Variants in NKAIN2 observed in about 807,000 individuals in gnomAD.
NKAIN2 encodes sodium/potassium-transporting ATPase subunit beta-1-interacting protein 2.
In NKAIN2, 14 loss-of-function variants were observed where a neutral mutation model predicts 32.6. That is an observed-to-expected ratio of 0.43 (90% CI 0.28 to 0.67). NKAIN2 has a LOEUF of 0.67. NKAIN2 is among the 30% of genes least tolerant of loss of function. The probability of loss-of-function intolerance (pLI) is 0.17; values close to 1 mark genes in which losing one functional copy is unlikely to be tolerated. For missense variants in NKAIN2, 198 were observed against 258.3 expected, an observed-to-expected ratio of 0.77 and a Z score of 1.60; for synonymous variants, 80 against 87.2, an observed-to-expected ratio of 0.92 and a Z score of 0.46.
chr6:124,202,279 G>A (rs189550917), intron 1 of NKAIN2, among the ~76,000 whole-genome samples: 1 of 152,004 alleles, frequency 6.6e-6, no homozygotes, highest in East Asian at 1.9e-4. Context: ...TAACATATCA[G>A]CTCTGCTGTG....
rs1415927005 is a variant in NKAIN2 at position 124,625,147 on chromosome 6, A to G, written c.274-33039A>G. ...TCTTCCTGACACTAGAGTTTTCTTC[A>G]TTCCATTTAAGCACTTAATTACAAT... is the stretch of plus-strand genomic sequence containing the variant. On this transcript the variant is annotated intron_variant, in intron 3 of 6. Transcript: ENST00000368417. Among the ~76,000 whole-genome samples, 24 of 148,652 alleles carry G rather than the reference A, an allele frequency of 1.6e-4. No individual in the cohort carries two copies. The East Asian group carries it at 4.4e-3, about 27-fold the overall frequency.
chr6:124,410,986 A>C (rs1774144582), intron 3 of NKAIN2, among the ~76,000 whole-genome samples: 1 of 151,796 alleles, frequency 6.6e-6, no homozygotes, highest in Non-Finnish European at 1.5e-5. Flanking sequence ...CTGTTTTATC[A>C]GAGACTAGGA....
chr6:124,248,011 A>C (rs535269424), intron 1 of NKAIN2, among the ~76,000 whole-genome samples: 1 of 152,042 alleles, frequency 6.6e-6, no homozygotes, highest in Admixed American at 6.6e-5. Flanking sequence ...ATATCATACC[A>C]CTCTTTAAAA....
chr6:124,459,547 T>C (rs751780450), intron 3 of NKAIN2, among the ~76,000 whole-genome samples: 5 of 151,900 alleles, frequency 3.3e-5, no homozygotes, highest in Non-Finnish European at 7.4e-5. Flanking sequence ...TAAGTGATGA[T>C]ATTGTTATCT....
chr6:124,500,191 A>G (rs987908673), intron 3 of NKAIN2, among the ~76,000 whole-genome samples: 15 of 152,324 alleles, frequency 9.8e-5, no homozygotes, highest in African/African-American at 3.6e-4. Context: ...TCATGAAATG[A>G]GTTAGGAGCC....
In NKAIN2 at chr6:124,721,352, G is replaced by C. The variant is rs902573704; in HGVS notation, c.474+62966G>C. The stretch of plus-strand genomic sequence containing the variant: ...CCGGAAGGCGGAGCTTGCAGTGAGC[G>C]GAGATCGCGCCACAGCACTCCCGCC... On this transcript the variant is annotated intron_variant, in intron 4 of 6. Coordinates refer to ENST00000368417, the MANE Select transcript of NKAIN2 (RefSeq NM_001040214.3). Among the ~76,000 whole-genome samples, 23 of 150,416 alleles carry C rather than the reference G, an allele frequency of 1.5e-4. No homozygotes were observed. In the South Asian group the frequency reaches 3.4e-3, roughly 22 times the overall value.
chr6:124,606,985 G>A (rs761182736), intron 3 of NKAIN2, among the ~76,000 whole-genome samples: 3 of 152,170 alleles, frequency 2.0e-5, no homozygotes, highest in Non-Finnish European at 2.9e-5. Context: ...ATCAATGTGA[G>A]TAAAGATGAA....
chr6:124,428,323 T>C (rs1361247967), intron 3 of NKAIN2, among the ~76,000 whole-genome samples: 1 of 152,040 alleles, frequency 6.6e-6, no homozygotes, highest in Non-Finnish European at 1.5e-5. Context: ...CAACCCCAGA[T>C]TGCTGGAAAT....
intron 1 of NKAIN2, among the ~76,000 whole-genome samples, chr6:124,125,469 C>T (rs192979481): frequency 2.4e-4 from 37 of 152,172 alleles, no homozygotes; most frequent in Admixed American, 5.9e-4. Context: ...GTCAAAATGA[C>T]TAATGGGATG....
At chr6:124,769,627 C>A (rs1413520179) in intron 4 of NKAIN2, among the ~76,000 whole-genome samples, 1 of 152,252 alleles carries the variant, frequency 6.6e-6, no homozygotes. Context: ...AGCAATGCAC[C>A]TAAACGATAC....
intron 4 of NKAIN2, among the ~76,000 whole-genome samples, chr6:124,698,590 A>T (rs17710038): frequency 0.13 from 19,177 of 152,288 alleles, 1,626 homozygotes; most frequent in Non-Finnish European, 0.2. Context: ...CAACCGACTT[A>T]CAATCTTGCA....
intron 3 of NKAIN2, among the ~76,000 whole-genome samples, chr6:124,401,366 G>A (rs961704282): frequency 2.0e-5 from 3 of 151,898 alleles, no homozygotes; most frequent in South Asian, 2.1e-4. Context: ...ACTATGGCTC[G>A]CCATCCAAAT....
intron 4 of NKAIN2, among the ~76,000 whole-genome samples, chr6:124,774,607 T>C (rs892248918): frequency 6.6e-6 from 1 of 151,970 alleles, no homozygotes; most frequent in Non-Finnish European, 1.5e-5. Context: ...TGTAATTCGA[T>C]CACTTTGGGA....
chr6:123,892,012 A>G (rs1391776833), intron 1 of NKAIN2, among the ~76,000 whole-genome samples: 1 of 152,144 alleles, frequency 6.6e-6, no homozygotes, highest in Non-Finnish European at 1.5e-5. Context: ...TTTCAGGACA[A>G]ATTTAATCAG....
chr6:124,286,679 C>CGT (rs1327431503), intron 2 of NKAIN2, among the ~76,000 whole-genome samples: 1 of 131,882 alleles, frequency 7.6e-6, no homozygotes, highest in Admixed American at 7.1e-5. Flanking sequence ...TGTGTGCGCG[C>CGT]GCGTGTGTGT....
chr6:124,009,314 T>A (rs12660976), intron 1 of NKAIN2, among the ~76,000 whole-genome samples: 48,897 of 151,984 alleles, frequency 0.32, 7,926 homozygotes, highest in East Asian at 0.39. Context: ...TGCTGTGTCA[T>A]ATTTTCAATT....
chr6:124,055,980 G>C (rs1295795040), intron 1 of NKAIN2, among the ~76,000 whole-genome samples: 1 of 152,058 alleles, frequency 6.6e-6, no homozygotes, highest in Non-Finnish European at 1.5e-5. Context: ...CCTATCTCCA[G>C]AGAGCAGAAT....
At chr6:124,418,556 T>C (rs1300377132) in intron 3 of NKAIN2, among the ~76,000 whole-genome samples, 1 of 138,630 alleles carries the variant, frequency 7.2e-6, no homozygotes. Flanking sequence ...ATATTATATA[T>C]ATAAAATATA....
At position 124,223,542 on chromosome 6, in the gene NKAIN2, G is replaced by A. The variant is rs73561262; in HGVS notation, c.55-59463G>A. Among the ~76,000 whole-genome samples, 620 of 152,226 alleles carry A rather than the reference G, an allele frequency of 4.1e-3. 6 individuals carry two copies. The highest frequency in any genetic ancestry group is 0.014 in the African/African-American group (574 of 41,560). On this transcript the variant is annotated intron_variant, in intron 1 of 6. Coordinates refer to ENST00000368417, the MANE Select transcript of NKAIN2 (RefSeq NM_001040214.3). ...AAGACACTGCTATTGTAGAGGCATT[G>A]CAAGAATTCCATTAAGCATCTTTCT...
Sources: gnomAD v4.1 joint callset for allele counts (sites outside exome capture counted in the v4.1 genomes callset) on GRCh38, gnomAD v4.1.1 for gene constraint, MANE v1.5 for transcripts, NCBI Gene and HGNC (gene_info 2026-07-23, HGNC 2026-07-21) for gene names.